Variants in DTWD2 observed in about 807,000 individuals in gnomAD.
DTWD2 encodes the protein tRNA-uridine aminocarboxypropyltransferase 2.
A neutral mutation model predicts 31.8 loss-of-function variants in DTWD2; 39 were observed. The observed-to-expected ratio is 1.22, with a 90% CI of 0.95 to 1.60. The LOEUF is 1.60. Ranked by LOEUF, DTWD2 falls within the 40% of genes most tolerant of loss-of-function variation. The probability of loss-of-function intolerance (pLI) is 0.00; values close to 1 mark genes in which losing one functional copy is unlikely to be tolerated. For synonymous variants in DTWD2, 180 were observed against 142.8 expected, an observed-to-expected ratio of 1.26 and a Z score of -1.86; for missense variants, 515 against 381.5, an observed-to-expected ratio of 1.35 and a Z score of -2.92.
At chr5:118,842,814 G>C (rs568202875) in intron 5 of DTWD2, among the ~76,000 whole-genome samples, 2 of 151,582 alleles carry the variant, frequency 1.3e-5, no homozygotes, top group Non-Finnish European at 2.9e-5. Flanking sequence ...AGACATGGTG[G>C]TGTGCACCTG....
At chr5:118,969,333 G>C (rs919083287) in intron 1 of DTWD2, among the ~76,000 whole-genome samples, 5 of 152,206 alleles carry the variant, frequency 3.3e-5, no homozygotes, top group African/African-American at 1.2e-4. Context: ...AGGGCAGCCA[G>C]ACTGCTTCTT....
chr5:118,896,381 A>G (rs1753084137), intron 4 of DTWD2, among the ~76,000 whole-genome samples: 1 of 152,180 alleles, frequency 6.6e-6, no homozygotes, highest in Non-Finnish European at 1.5e-5. Flanking sequence ...CATGTAGGTC[A>G]GATTTTTCAT....
At chr5:118,955,754 C>A (rs1333265883) in intron 1 of DTWD2, among the ~76,000 whole-genome samples, 1 of 151,620 alleles carries the variant, frequency 6.6e-6, no homozygotes, top group Admixed American at 6.6e-5. Flanking sequence ...CAGTGAATAG[C>A]CACTATGCTC....
rs893957779 is a variant in DTWD2 at position 118,939,374 on chromosome 5, T to C, written c.310-84A>G. 18 of 1,167,448 alleles carry C rather than the reference T, an allele frequency of 1.5e-5. No individual in the cohort carries two copies. The African/African-American group carries it at 2.4e-4, about 15-fold the overall frequency. The allele number at this position is 1,167,448 out of a possible 1,614,324, so 72.3% of individuals were successfully genotyped here. On this transcript the variant is annotated intron_variant, in intron 2 of 5. Coordinates refer to ENST00000510708, the MANE Select transcript of DTWD2 (RefSeq NM_173666.4). ...TATTTTATAATGAACATCTGATTCATAACTTTATGCATAACTTTCACAAGT... is the reference window on the plus strand; with the variant it reads ...TATTTTATAATGAACATCTGATTCACAACTTTATGCATAACTTTCACAAGT...
intron 1 of DTWD2, among the ~76,000 whole-genome samples, chr5:118,970,456 G>A (rs1238190836): frequency 4.0e-5 from 6 of 151,856 alleles, no homozygotes; most frequent in South Asian, 4.2e-4. Context: ...AAGAAAAGAC[G>A]ATGAACAAAA....
At chr5:118,910,499 C>G (rs1753435022) in intron 4 of DTWD2, among the ~76,000 whole-genome samples, 1 of 152,184 alleles carries the variant, frequency 6.6e-6, no homozygotes, top group Admixed American at 6.5e-5. Flanking sequence ...CTTAGGCCAT[C>G]TCTAAGAAAA....
intron 4 of DTWD2, among the ~76,000 whole-genome samples, chr5:118,916,498 T>G (rs924068250): frequency 2.6e-5 from 4 of 152,010 alleles, no homozygotes; most frequent in African/African-American, 9.7e-5. Context: ...AAACCCCATC[T>G]CTAATAAAAA....
intron 4 of DTWD2, among the ~76,000 whole-genome samples, chr5:118,890,323 A>G (rs1037273547): frequency 6.6e-6 from 1 of 152,202 alleles, no homozygotes; most frequent in Non-Finnish European, 1.5e-5. Flanking sequence ...TCTTATATAT[A>G]CTTCAGTAAT....
intron 4 of DTWD2, among the ~76,000 whole-genome samples, chr5:118,920,879 A>G (rs1753688457): frequency 6.6e-6 from 1 of 152,202 alleles, no homozygotes; most frequent in South Asian, 2.1e-4. Context: ...TTCAAGTTTC[A>G]TATCTGCCAC....
intron 4 of DTWD2, among the ~76,000 whole-genome samples, chr5:118,914,047 AC>A (rs1230357983): frequency 6.6e-6 from 1 of 152,100 alleles, no homozygotes; most frequent in Non-Finnish European, 1.5e-5. Flanking sequence ...ATTTTGTCTC[AC>A]TGACCTTAGA....
At chr5:118,943,748 T>C (rs1754263248) in intron 2 of DTWD2, among the ~76,000 whole-genome samples, 1 of 152,044 alleles carries the variant, frequency 6.6e-6, no homozygotes, top group South Asian at 2.1e-4. Flanking sequence ...AAAAAATAAA[T>C]AAATAAGTGT....
At chr5:118,941,101 C>T (rs2149584740) in intron 2 of DTWD2, among the ~76,000 whole-genome samples, 1 of 152,216 alleles carries the variant, frequency 6.6e-6, no homozygotes, top group Non-Finnish European at 1.5e-5. Flanking sequence ...AAGCCCCCTC[C>T]TAGAGCCTAT....
At chr5:118,857,579 C>G (rs571550769) in intron 4 of DTWD2, among the ~76,000 whole-genome samples, 181 of 152,254 alleles carry the variant, frequency 1.2e-3, no homozygotes, top group Middle Eastern at 3.4e-3. Flanking sequence ...GTGAATTATG[C>G]TTTCACTCTA....
intron 3 of DTWD2, among the ~76,000 whole-genome samples, chr5:118,934,449 C>A (rs1195438319): frequency 6.6e-6 from 1 of 151,406 alleles, no homozygotes; most frequent in Non-Finnish European, 1.5e-5. Context: ...AAGGAGATTG[C>A]ATGGAATTAT....
intron 3 of DTWD2, among the ~76,000 whole-genome samples, chr5:118,929,494 T>C (rs1753877302): frequency 6.6e-6 from 1 of 152,032 alleles, no homozygotes; most frequent in East Asian, 1.9e-4. Flanking sequence ...CTTCCCTTTT[T>C]TTTTTTTTGT....
chr5:118,913,581 G>C (rs140808102), intron 4 of DTWD2, among the ~76,000 whole-genome samples: 240 of 151,824 alleles, frequency 1.6e-3, no homozygotes, highest in African/African-American at 5.4e-3. Context: ...CAAGAACAAA[G>C]ATTCTTAAGT....
intron 5 of DTWD2, among the ~76,000 whole-genome samples, chr5:118,846,965 CAT>C (rs1554060919): frequency 2.9e-4 from 38 of 132,138 alleles, no homozygotes; most frequent in South Asian, 1.2e-3. Context: ...CACACACACA[CAT>C]ACACACGAAA....
intron 3 of DTWD2, among the ~76,000 whole-genome samples, chr5:118,937,247 CAACA>C (rs987324020): frequency 1.3e-5 from 2 of 151,988 alleles, no homozygotes; most frequent in African/African-American, 4.8e-5. Flanking sequence ...TCACAAAACT[CAACA>C]AACACCCATT....
At chr5:118,943,684 G>A (rs1754262163) in intron 2 of DTWD2, among the ~76,000 whole-genome samples, 1 of 152,200 alleles carries the variant, frequency 6.6e-6, no homozygotes, top group Non-Finnish European at 1.5e-5. Flanking sequence ...ATTGCAGTGA[G>A]CTGAGATTGT....
Sources: gnomAD v4.1 joint callset for allele counts (sites outside exome capture counted in the v4.1 genomes callset) on GRCh38, gnomAD v4.1.1 for gene constraint, MANE v1.5 for transcripts, NCBI Gene and HGNC (gene_info 2026-07-23, HGNC 2026-07-21) for gene names.